Variants in USP49 observed in about 807,000 individuals in gnomAD.
USP49 encodes the protein ubiquitin carboxyl-terminal hydrolase 49.
In USP49, 24 loss-of-function variants were observed where a neutral mutation model predicts 58.6. That is an observed-to-expected ratio of 0.41 (90% confidence interval 0.30 to 0.58). The LOEUF is 0.58. USP49 is among the 20% of genes least tolerant of loss of function. The pLI is 0.30. For synonymous variants in USP49, 408 were observed against 365.1 expected (o/e 1.12, Z -1.34); for missense variants, 703 against 866.1 (o/e 0.81, Z 2.36).
intron 3 of USP49, among the ~76,000 whole-genome samples, chr6:41,822,501 C>T (rs1053483266): frequency 2.0e-5 from 3 of 152,130 alleles, no homozygotes; most frequent in African/African-American, 7.2e-5. Flanking sequence ...TCTCCTGCAA[C>T]ATACCAAAGC....
chr6:41,850,616 T>TC (rs1274497394), intron 3 of USP49, among the ~76,000 whole-genome samples: 1 of 151,276 alleles, frequency 6.6e-6, no homozygotes, highest in African/African-American at 2.4e-5. Flanking sequence ...ATTCTTTTTT[T>TC]TTTTTTTGAG....
At chr6:41,844,676 C>T (rs1022794169) in intron 3 of USP49, among the ~76,000 whole-genome samples, 1 of 152,106 alleles carries the variant, frequency 6.6e-6, no homozygotes, top group African/African-American at 2.4e-5. Flanking sequence ...TCCAGAAGAC[C>T]ACAGTTATAA....
chr6:41,839,281 C>T (rs956426280), intron 3 of USP49, among the ~76,000 whole-genome samples: 1 of 151,542 alleles, frequency 6.6e-6, no homozygotes, highest in African/African-American at 2.4e-5. Flanking sequence ...TGGCATATGC[C>T]TGTAGTCCCA....
chr6:41,806,212 G>A lies in USP49; in HGVS notation c.772C>T (p.Leu258=), dbSNP rs1359139150. ...MAPGVTGLRN[L]GNTCYMNSIL... is the part of the protein sequence containing the mutation. The stretch of plus-strand genomic sequence containing the variant: ...GAGTTCATGTAGCAGGTGTTGCCCA[G>A]GTTGCGCAGGCCCGTGACGCCTGGG... The change falls in exon 4 of 8, where the codon CTG becomes TTG. Residue 258 remains leucine, a synonymous_variant. Coordinates refer to ENST00000682992, the MANE Select transcript of USP49 (RefSeq NM_001286554.2). This position sits in a 1 kb window ranked among gnomAD's most constrained non-coding sequence, Gnocchi z 5.9. 1 of 1,612,366 alleles carries A rather than the reference G, an allele frequency of 6.2e-7. No homozygotes were observed. Among genetic ancestry groups the A allele is most frequent in the Non-Finnish European group, 8.5e-7 (1 of 1,180,022 alleles).
chr6:41,883,528 A>C lies in USP49; in HGVS notation c.-103+8266T>G, dbSNP rs941543434. On this transcript the variant is annotated intron_variant, in intron 2 of 7. Coordinates refer to ENST00000682992, the MANE Select transcript of USP49 (RefSeq NM_001286554.2). ...CCAGGTGTGGTGGTACACGCCTGTA[A>C]TCCCAGCTACACGGGAGGCTGAGGC... Among the ~76,000 whole-genome samples the C allele has an allele frequency of 6.6e-5, 10 of 151,952 alleles. No individual in the cohort carries two copies. The East Asian group carries it at 1.9e-3, about 29-fold the overall frequency.
At position 41,803,119 on chromosome 6, in the gene USP49, TTAAG is replaced by T. The variant is rs1357571562; in HGVS notation, c.1561+683_1561+686del. On this transcript the variant is annotated intron_variant, in intron 5 of 7. Coordinates refer to ENST00000682992, the MANE Select transcript of USP49 (RefSeq NM_001286554.2). The surrounding 1 kb of genome is among the most constrained non-coding windows in gnomAD (Gnocchi z 4.1). Reference sequence around the variant, plus strand: ...AAAGGCTATACCATCTGGGTTTAGATTAAGTAAGAACTGTCAGACTCTACATTCA... The same window carrying T: ...AAAGGCTATACCATCTGGGTTTAGATTAAGAACTGTCAGACTCTACATTCA... 1.3e-5 allele frequency among the ~76,000 whole-genome samples: 2 copies of T among 152,152 alleles called. No individual in the cohort carries two copies. The highest frequency in any genetic ancestry group is 2.9e-5 in the Non-Finnish European group (2 of 68,036).
intron 2 of USP49, among the ~76,000 whole-genome samples, chr6:41,888,852 C>T (rs1281774963): frequency 6.6e-6 from 1 of 152,108 alleles, no homozygotes; most frequent in Non-Finnish European, 1.5e-5. Flanking sequence ...AATGGACAGG[C>T]CATCATTTTA....
At chr6:41,853,135 G>A (rs1285439050) in intron 3 of USP49, among the ~76,000 whole-genome samples, 4 of 152,104 alleles carry the variant, frequency 2.6e-5, no homozygotes, top group Admixed American at 6.5e-5. Flanking sequence ...GCAATGAGCC[G>A]AGATGGCGCC....
At chr6:41,883,729 T>C (rs1181409706) in intron 2 of USP49, among the ~76,000 whole-genome samples, 1 of 152,134 alleles carries the variant, frequency 6.6e-6, no homozygotes, top group Non-Finnish European at 1.5e-5. Context: ...GGGGCGGTTA[T>C]AGGAACACAA....
At chr6:41,842,135 A>T (rs1773838696) in intron 3 of USP49, among the ~76,000 whole-genome samples, 1 of 152,078 alleles carries the variant, frequency 6.6e-6, no homozygotes, top group Non-Finnish European at 1.5e-5. Flanking sequence ...CTTTTAATGA[A>T]TTAAAGCCAC....
At chr6:41,889,750 G>T (rs967088174) in intron 2 of USP49, among the ~76,000 whole-genome samples, 2 of 152,146 alleles carry the variant, frequency 1.3e-5, no homozygotes, top group South Asian at 2.1e-4. Flanking sequence ...TAAACTTTTT[G>T]AAATACTCAA....
In USP49 at chr6:41,792,388, A is replaced by C. The variant is rs1200917904; in HGVS notation, c.*4145T>G. On this transcript the variant is annotated 3_prime_UTR_variant, in exon 8 of 8. Coordinates refer to ENST00000682992, the MANE Select transcript of USP49 (RefSeq NM_001286554.2). ...GTTTGACTTCTGCTATATGTTGCCC[A>C]GCATTAGTCATTGTTTTGATAAAGA... is the stretch of plus-strand genomic sequence containing the variant. 6.6e-6 allele frequency: 1 copy of C among 152,240 alleles called. No homozygotes were observed. The highest frequency in any genetic ancestry group is 1.5e-5 in the Non-Finnish European group (1 of 68,036). The allele number at this position is 152,240 out of a possible 1,614,324, so 9.4% of individuals were successfully genotyped here.
At chr6:41,848,380 T>C (rs1230621145) in intron 3 of USP49, among the ~76,000 whole-genome samples, 1 of 152,028 alleles carries the variant, frequency 6.6e-6, no homozygotes, top group African/African-American at 2.4e-5. Context: ...GCCTATGTTT[T>C]GTTTTAGATA....
Position 41,802,479 on chromosome 6 carries a change from A to AT in USP49, c.1561+1326dup, listed in dbSNP as rs11323812. On this transcript the variant is annotated intron_variant, in intron 5 of 7. Coordinates refer to ENST00000682992, the MANE Select transcript of USP49 (RefSeq NM_001286554.2). Reference sequence around the variant, plus strand: ...TTATTTATTTATTTATTTTTTATTTATTTTTTTTTTTTGAGACAGCATCTC... The same window carrying AT: ...TTATTTATTTATTTATTTTTTATTTATTTTTTTTTTTTTGAGACAGCATCTC... Among the ~76,000 whole-genome samples the AT allele has an allele frequency of 5.1e-4, 41 of 79,770 alleles. 3 individuals are homozygous for AT. The highest frequency in any genetic ancestry group is 2.0e-3 in the East Asian group (6 of 2,956). The allele number at this position is 79,770 out of a possible 152,430, so 52.3% of individuals were successfully genotyped here.
intron 3 of USP49, among the ~76,000 whole-genome samples, chr6:41,841,164 C>A (rs925225730): frequency 6.6e-6 from 1 of 152,114 alleles, no homozygotes; most frequent in Non-Finnish European, 1.5e-5. Context: ...CCAAACTAAC[C>A]ACACTCTTGC....
At chr6:41,834,252 C>T (rs1400990026) in intron 3 of USP49, among the ~76,000 whole-genome samples, 1 of 152,190 alleles carries the variant, frequency 6.6e-6, no homozygotes, top group Non-Finnish European at 1.5e-5. Flanking sequence ...TCTATCATAA[C>T]ATCGAGCACT....
chr6:41,848,527 TG>T (rs1248169245), intron 3 of USP49, among the ~76,000 whole-genome samples: 3 of 151,912 alleles, frequency 2.0e-5, no homozygotes, highest in Non-Finnish European at 4.4e-5. Context: ...CCACAACATC[TG>T]GCTAATTAAA....
At chr6:41,866,069 C>T (rs371396252) in intron 3 of USP49, among the ~76,000 whole-genome samples, 28 of 151,532 alleles carry the variant, frequency 1.8e-4, no homozygotes, top group African/African-American at 6.8e-4. Flanking sequence ...CTACAGGCGC[C>T]CACCACCACG....
chr6:41,829,396 C>T (rs1773597275), intron 3 of USP49, among the ~76,000 whole-genome samples: 1 of 151,974 alleles, frequency 6.6e-6, no homozygotes, highest in East Asian at 1.9e-4. Flanking sequence ...CTCACTGCAA[C>T]CTCGCCTCCC....
Sources: allele counts gnomAD v4.1 joint callset (sites outside exome capture counted in the v4.1 genomes callset), GRCh38; gene constraint gnomAD v4.1.1; non-coding constraint Gnocchi (gnomAD v3.1); transcripts MANE v1.5; gene names NCBI Gene and HGNC (gene_info 2026-07-23, HGNC 2026-07-21).